The following APC variants were observed in gnomAD, a reference collection of about 807,000 sequenced individuals.
The protein encoded by APC is adenomatous polyposis coli protein.
In APC, 72 loss-of-function variants were observed where a neutral mutation model predicts 247.0. The ratio of observed to expected loss-of-function variants is 0.29; its 90% CI spans 0.24 to 0.35. APC has a LOEUF of 0.35. APC is among the 10% of genes least tolerant of loss of function. The pLI is 1.00. For synonymous variants in APC, 1,254 were observed against 1,162.5 expected, an observed-to-expected ratio of 1.08 and a Z score of -1.60; for missense variants, 3,400 against 3,360.7, an observed-to-expected ratio of 1.01 and a Z score of -0.29.
chr5:112,745,527 A>G (rs1206357587), intron 1 of APC, among the ~76,000 whole-genome samples: 4 of 150,848 alleles, frequency 2.7e-5, no homozygotes, highest in Non-Finnish European at 5.9e-5. Context: ...AAAGTAAGGA[A>G]ATAAATGAAT....
At chr5:112,740,254 A>G (rs1752838341) in intron 1 of APC, among the ~76,000 whole-genome samples, 1 of 152,202 alleles carries the variant, frequency 6.6e-6, no homozygotes, top group Non-Finnish European at 1.5e-5. Context: ...AGATCGTCTT[A>G]TTAATCATAT....
rs759214956 is a variant in APC at position 112,839,269 on chromosome 5, C to T, written c.3675C>T (p.Ala1225=). The T allele has an allele frequency of 1.9e-6, 3 of 1,613,984 alleles. No individual in the cohort carries two copies. The East Asian group carries it at 6.7e-5, about 36-fold the overall frequency. Residue 1225 remains alanine, a synonymous_variant, in exon 16 of 16, where the codon GCC becomes GCT. Transcript: ENST00000257430. This position sits in a 1 kb window ranked among gnomAD's most constrained non-coding sequence, Gnocchi z 5.0. ...ATACGTCCACACCTTCATCTAATGC[C>T]AAGAGGCAGAATCAGCTCCATCCAA... ...SENTSTPSSN[A]KRQNQLHPSS...
chr5:112,772,932 A>G lies in APC; in HGVS notation c.423-2697A>G, dbSNP rs565678826. On this transcript the variant is annotated intron_variant, in intron 4 of 15. Coordinates refer to ENST00000257430, the MANE Select transcript of APC (RefSeq NM_000038.6). Reference sequence around the variant, plus strand: ...CTGGTAGGTCCTGCAGGTCCTCACTAGGGAAAACTGAAAAATAGAATTAAA... The same window carrying G: ...CTGGTAGGTCCTGCAGGTCCTCACTGGGGAAAACTGAAAAATAGAATTAAA... Among the ~76,000 whole-genome samples the G allele has an allele frequency of 2.4e-4, 37 of 152,268 alleles. No individual in the cohort carries two copies. In the South Asian group the frequency reaches 3.7e-3, roughly 15 times the overall value.
chr5:112,793,949 T>C (rs1759922453), intron 7 of APC, among the ~76,000 whole-genome samples: 1 of 152,042 alleles, frequency 6.6e-6, no homozygotes, highest in South Asian at 2.1e-4. Context: ...GCAAATGCCT[T>C]TACATTTGTA....
upstream of APC, among the ~76,000 whole-genome samples, chr5:112,736,162 TA>T (rs1383976335): frequency 6.6e-6 from 1 of 152,232 alleles, no homozygotes; most frequent in African/African-American, 2.4e-5. Context: ...GTGCTTTCAG[TA>T]AGAGGATTTT....
At chr5:112,730,866 TTA>T (rs1008137924) in intron 1 of APC, among the ~76,000 whole-genome samples, 1 of 152,034 alleles carries the variant, frequency 6.6e-6, no homozygotes, top group African/African-American at 2.4e-5. Context: ...TGGAAAGAAA[TTA>T]TATATATTAG....
chr5:112,761,511 A>C (rs1755667087), intron 2 of APC, among the ~76,000 whole-genome samples: 1 of 152,220 alleles, frequency 6.6e-6, no homozygotes, highest in South Asian at 2.1e-4. Flanking sequence ...GCTTAACAGC[A>C]GGCTGAACAC....
chr5:112,770,985 C>T (rs1291840521), intron 4 of APC, among the ~76,000 whole-genome samples: 1 of 152,046 alleles, frequency 6.6e-6, no homozygotes, highest in East Asian at 1.9e-4. Flanking sequence ...AGACTGTTAA[C>T]AGTTACATCA....
chr5:112,807,253 A>G (rs1761517179), intron 8 of APC, among the ~76,000 whole-genome samples: 1 of 152,100 alleles, frequency 6.6e-6, no homozygotes, highest in Non-Finnish European at 1.5e-5. Flanking sequence ...TTTCTATGGC[A>G]ATTACAGTTT....
intron 1 of APC, among the ~76,000 whole-genome samples, chr5:112,745,548 T>TTTATTATTATTATTA (rs139166227): frequency 6.7e-6 from 1 of 148,682 alleles, no homozygotes; most frequent in Non-Finnish European, 1.5e-5. Context: ...TAATATTCAC[T>TTTATTATTATTATTA]TTATTATTAT....
chr5:112,765,999 C>T (rs917713185), intron 2 of APC, among the ~76,000 whole-genome samples: 2 of 152,108 alleles, frequency 1.3e-5, no homozygotes, highest in Non-Finnish European at 2.9e-5. Context: ...GTAACTTGAG[C>T]AAGTCTCTGG....
rs2149983714 is a variant in APC, at chr5:112,842,887, A to G, written c.7293A>G (p.Arg2431=). The change falls in exon 16 of 16, where the codon AGA becomes AGG. Residue 2431 remains arginine (R), a synonymous_variant. Coordinates refer to ENST00000257430, the MANE Select transcript of APC (RefSeq NM_000038.6). ...AATCAAGTGGAAGTGAATCTGATAG[A>G]TCAGAAAGACCTGTATTAGTACGCC... ...STKSSGSESD[R]SERPVLVRQS... 1.2e-6 allele frequency: 2 copies of G among 1,614,090 alleles called. No homozygotes were observed. Among genetic ancestry groups the G allele is most frequent in the South Asian group, 1.1e-5 (1 of 91,080 alleles).
chr5:112,782,274 C>T (rs1279207163), intron 6 of APC, among the ~76,000 whole-genome samples: 1 of 152,082 alleles, frequency 6.6e-6, no homozygotes, highest in African/African-American at 2.4e-5. Context: ...ACAAGAACAG[C>T]ACAGGAGAGA....
intron 2 of APC, among the ~76,000 whole-genome samples, chr5:112,759,706 T>C (rs141262334): frequency 3.2e-4 from 49 of 152,306 alleles, no homozygotes; most frequent in African/African-American, 1.1e-3. Flanking sequence ...TCTAAGACAA[T>C]GTGTGATTAT....
intron 8 of APC, among the ~76,000 whole-genome samples, chr5:112,812,794 T>A (rs1050762010): frequency 8.5e-5 from 13 of 152,348 alleles, no homozygotes; most frequent in African/African-American, 2.9e-4. Flanking sequence ...GTGACTAATA[T>A]ACTACCTGGA....
In APC at chr5:112,828,839, AAT is replaced by A; in HGVS notation, c.1627-16_1627-15del. The A allele has an allele frequency of 6.5e-7, 1 of 1,530,830 alleles. No homozygotes were observed. The highest frequency in any genetic ancestry group is 1.1e-5 in the South Asian group (1 of 89,038). 94.8% of individuals were successfully genotyped at this position (1,530,830 alleles called of 1,614,324 possible). A position where few individuals can be genotyped will look rare whatever the true frequency, so the allele number is the denominator to read the frequency against. On this transcript the variant is annotated splice_polypyrimidine_tract_variant and intron_variant, in intron 13 of 15. Transcript: ENST00000257430. ...TGATTTTATGTATAAATTAATCTAA[AAT>A]TGATTAATTTGCAGGTTATTGCGAG...
chr5:112,707,951 C>A (rs565294521), intron 1 of APC: 1 of 1,284,632 alleles, frequency 7.8e-7, no homozygotes, highest in Non-Finnish European at 1.0e-6. Context: ...CGCCGCTGCT[C>A]GGGACCCTAC....
At chr5:112,789,929 C>T (rs1021396574) in intron 6 of APC, among the ~76,000 whole-genome samples, 2 of 151,606 alleles carry the variant, frequency 1.3e-5, no homozygotes, top group Non-Finnish European at 2.9e-5. Context: ...GGCACGATAT[C>T]GCTCACTGCA....
chr5:112,791,348 A>C (rs1561500380), intron 6 of APC, among the ~76,000 whole-genome samples: 1 of 152,212 alleles, frequency 6.6e-6, no homozygotes. Context: ...AGGCTGAAAA[A>C]TACTACTAAC....
Sources: allele counts gnomAD v4.1 joint callset (sites outside exome capture counted in the v4.1 genomes callset), GRCh38; gene constraint gnomAD v4.1.1; non-coding constraint Gnocchi (gnomAD v3.1); transcripts MANE v1.5; gene names NCBI Gene and HGNC (gene_info 2026-07-23, HGNC 2026-07-21).